NPAS3: variants seen among roughly 807,000 people sequenced by gnomAD.
NPAS3 encodes neuronal PAS domain-containing protein 3.
In NPAS3, 14 loss-of-function variants were observed where a neutral mutation model predicts 73.1. The observed-to-expected ratio is 0.19, with a 90% CI of 0.13 to 0.30. The LOEUF (loss-of-function observed/expected upper bound fraction) is 0.30. Among genes scored for constraint, NPAS3 ranks in the 10% least tolerant of loss-of-function variants. NPAS3 has a pLI of 1.00. For synonymous variants in NPAS3, 620 were observed against 541.5 expected (o/e 1.14, Z -2.01); for missense variants, 1,096 against 1,250.0 (o/e 0.88, Z 1.86).
chr14:33,077,887 C>A (rs1352572747), intron 2 of NPAS3, among the ~76,000 whole-genome samples: 1 of 149,534 alleles, frequency 6.7e-6, no homozygotes. Context: ...GTGGCTCACG[C>A]CTGTAATCCT....
At chr14:33,781,817 A>G (rs57667874) in intron 9 of NPAS3, among the ~76,000 whole-genome samples, 1,585 of 152,312 alleles carry the variant, frequency 0.01, 27 homozygotes, top group African/African-American at 0.036. Flanking sequence ...TATCACTTAT[A>G]TCTTTTTTCC....
At chr14:33,166,046 C>T (rs2045128913) in intron 2 of NPAS3, among the ~76,000 whole-genome samples, 2 of 152,158 alleles carry the variant, frequency 1.3e-5, no homozygotes, top group South Asian at 4.1e-4. Flanking sequence ...CTGTGGTCTC[C>T]CCACCATGCC....
intron 5 of NPAS3, among the ~76,000 whole-genome samples, chr14:33,619,872 C>T (rs1396664665): frequency 1.3e-5 from 2 of 152,160 alleles, no homozygotes; most frequent in Non-Finnish European, 2.9e-5. Context: ...TCACATGGTG[C>T]CCCATTTGTT....
intron 5 of NPAS3, among the ~76,000 whole-genome samples, chr14:33,595,905 C>T (rs565240226): frequency 6.6e-5 from 10 of 152,270 alleles, no homozygotes; most frequent in Admixed American, 4.6e-4. Context: ...CTCCTGACCT[C>T]GTGATCCGAC....
intron 4 of NPAS3, among the ~76,000 whole-genome samples, chr14:33,487,227 A>C (rs1231976265): frequency 2.0e-5 from 3 of 152,212 alleles, no homozygotes; most frequent in Admixed American, 1.3e-4. Flanking sequence ...ATTATTTTGT[A>C]ATGTAATTGC....
intron 2 of NPAS3, among the ~76,000 whole-genome samples, chr14:33,148,743 G>T (rs138180229): frequency 3.9e-5 from 6 of 152,194 alleles, no homozygotes; most frequent in African/African-American, 1.4e-4. Flanking sequence ...CTAGGTTATA[G>T]TGGCGTGATC....
intron 3 of NPAS3, among the ~76,000 whole-genome samples, chr14:33,227,794 A>G (rs1198759035): frequency 6.6e-6 from 1 of 152,210 alleles, no homozygotes; most frequent in Non-Finnish European, 1.5e-5. Context: ...ACCTGTAATA[A>G]AGGTACAGTT....
intron 2 of NPAS3, among the ~76,000 whole-genome samples, chr14:33,129,661 G>A (rs960997088): frequency 6.6e-6 from 1 of 152,064 alleles, no homozygotes; most frequent in Non-Finnish European, 1.5e-5. Context: ...CACAGTTATG[G>A]CAGTAGTGAA....
At chr14:33,794,733 G>A (rs923671255) in intron 10 of NPAS3, among the ~76,000 whole-genome samples, 2 of 151,610 alleles carry the variant, frequency 1.3e-5, no homozygotes, top group African/African-American at 2.4e-5. Flanking sequence ...ATTCTGGTGT[G>A]AGACACCATT....
In NPAS3 at chr14:33,033,029, G is replaced by A. The variant is rs556102299; in HGVS notation, c.51-22876G>A. On this transcript the variant is annotated intron_variant, in intron 1 of 11. Transcript: ENST00000356141. ...TGCCTATAGTCTCTAGATATCCAAG[G>A]CAGACTGTCAAATCAAATAATAACT... Among the ~76,000 whole-genome samples, 13 of 152,230 alleles carry A rather than the reference G, an allele frequency of 8.5e-5. No homozygotes were observed. The South Asian group carries it at 2.5e-3, about 29-fold the overall frequency.
At chr14:33,172,002 G>A (rs2045408077) in intron 2 of NPAS3, among the ~76,000 whole-genome samples, 1 of 152,168 alleles carries the variant, frequency 6.6e-6, no homozygotes, top group Admixed American at 6.5e-5. Flanking sequence ...AGAAGAGCCA[G>A]TCAGTGGAGC....
chr14:33,090,379 C>T (rs1354850729), intron 2 of NPAS3, among the ~76,000 whole-genome samples: 2 of 152,062 alleles, frequency 1.3e-5, no homozygotes, highest in Admixed American at 6.6e-5. Flanking sequence ...TTTAAACCAA[C>T]AAAGATCAAA....
intron 4 of NPAS3, among the ~76,000 whole-genome samples, chr14:33,424,892 T>A (rs1264529039): frequency 6.6e-6 from 1 of 151,910 alleles, no homozygotes; most frequent in African/African-American, 2.4e-5. Context: ...ACAGATGGAA[T>A]TGAAGCAACT....
intron 2 of NPAS3, among the ~76,000 whole-genome samples, chr14:33,108,544 T>C (rs535480155): frequency 1.1e-4 from 17 of 152,294 alleles, no homozygotes; most frequent in African/African-American, 3.8e-4. Flanking sequence ...AATTATGAAA[T>C]AGATGCTGTG....
intron 4 of NPAS3, among the ~76,000 whole-genome samples, chr14:33,371,056 G>T (rs2140435200): frequency 6.6e-6 from 1 of 152,272 alleles, no homozygotes; most frequent in Admixed American, 6.5e-5. Context: ...GTGGAGCAAA[G>T]AGAGGGTTAA....
intron 2 of NPAS3, among the ~76,000 whole-genome samples, chr14:33,190,848 C>T (rs1475542258): frequency 6.6e-6 from 1 of 152,204 alleles, no homozygotes; most frequent in East Asian, 1.9e-4. Flanking sequence ...AGAGGCCCGA[C>T]TCTGTTGTCA....
intron 2 of NPAS3, among the ~76,000 whole-genome samples, chr14:33,168,989 A>G (rs1323543770): frequency 2.0e-5 from 3 of 152,232 alleles, no homozygotes; most frequent in Non-Finnish European, 4.4e-5. Flanking sequence ...GTGCTTTCAG[A>G]AAAGTGAAGT....
intron 5 of NPAS3, among the ~76,000 whole-genome samples, chr14:33,666,162 AAATC>A (rs1469057577): frequency 2.6e-5 from 4 of 152,192 alleles, no homozygotes; most frequent in African/African-American, 7.2e-5. Context: ...TTTAGGGCCT[AAATC>A]AATCAATCAC....
intron 4 of NPAS3, among the ~76,000 whole-genome samples, chr14:33,517,475 A>C (rs1318735305): frequency 6.6e-6 from 1 of 152,178 alleles, no homozygotes; most frequent in Admixed American, 6.5e-5. Flanking sequence ...ATTGCCTGAC[A>C]ATATAGCAAT....
Sources: allele counts gnomAD v4.1 joint callset (sites outside exome capture counted in the v4.1 genomes callset), GRCh38; gene constraint gnomAD v4.1.1; transcripts MANE v1.5; gene names NCBI Gene and HGNC (gene_info 2026-07-23, HGNC 2026-07-21).